Variants in PAPOLA observed in about 807,000 individuals in gnomAD.
PAPOLA encodes the protein polynucleotide adenylyltransferase alpha.
In PAPOLA, 15 loss-of-function variants were observed where a neutral mutation model predicts 100.6. The observed-to-expected ratio is 0.15, with a 90% CI of 0.10 to 0.23. The LOEUF (loss-of-function observed/expected upper bound fraction) is 0.23, where lower values mean the gene tolerates loss of function less well. PAPOLA is among the 10% of genes least tolerant of loss of function. The pLI, the probability that PAPOLA is intolerant of heterozygous loss-of-function variation, is 1.00. For missense variants in PAPOLA, 533 were observed against 884.2 expected (o/e 0.60, Z 5.04); for synonymous variants, 293 against 300.0 (o/e 0.98, Z 0.24).
At chr14:96,549,483 C>T (rs369961628) in intron 16 of PAPOLA, among the ~76,000 whole-genome samples, 59 of 152,120 alleles carry the variant, frequency 3.9e-4, no homozygotes, top group East Asian at 2.9e-3. Flanking sequence ...CTCCTGGCCT[C>T]GTGATCCGCC....
At chr14:96,533,400 T>C (rs907994232) in intron 9 of PAPOLA, 1 of 982,450 alleles carries the variant, frequency 1.0e-6, no homozygotes. Flanking sequence ...AATTAGTTAT[T>C]TGAGACAATT....
rs376979531 is a variant in PAPOLA at position 96,556,274 on chromosome 14, T to G, written c.1865T>G (p.Val622Gly). The change falls in exon 19 of 22, where the codon GTA becomes GGA. Residue 622 changes from valine to glycine, a missense_variant. Coordinates refer to ENST00000216277, the MANE Select transcript of PAPOLA (RefSeq NM_032632.5). ...VSRVVSSTRL[V>G]NPPPRSSGNA... is the part of the protein sequence containing the mutation. ...AGAGTTGTTTCTTCAACACGTCTGG[T>G]AAACCCACCACCTAGATCTTCAGGA... 1.3e-5 allele frequency: 21 copies of G among 1,613,852 alleles called. No individual in the cohort carries two copies. The highest frequency in any genetic ancestry group is 1.8e-5 in the Non-Finnish European group (21 of 1,179,980).
chr14:96,560,458 A>ATT (rs1294524637), intron 19 of PAPOLA, 191 bp from the exon 20 acceptor site: 39 of 484,276 alleles, frequency 8.1e-5, no homozygotes, highest in Non-Finnish European at 3.6e-6. Context: ...TTTTAATTTT[A>ATT]TTAGCTACTG....
At chr14:96,503,501 C>T (rs1342478395) in intron 1 of PAPOLA, among the ~76,000 whole-genome samples, 4 of 151,852 alleles carry the variant, frequency 2.6e-5, no homozygotes, top group Non-Finnish European at 2.9e-5. Context: ...CAGCTCATTG[C>T]CAGTAGATTA....
chr14:96,530,561 A>AT (rs1363899839), intron 6 of PAPOLA, among the ~76,000 whole-genome samples: 6 of 150,684 alleles, frequency 4.0e-5, no homozygotes, highest in East Asian at 2.0e-4. Context: ...CTAATTTTTA[A>AT]TTTTTTTTGT....
chr14:96,533,255 A>G, intron 9 of PAPOLA: 1 of 984,444 alleles, frequency 1.0e-6, no homozygotes, highest in Non-Finnish European at 1.2e-6. Context: ...CTGCCATTTT[A>G]TATTAATTGC....
At chr14:96,536,586 TTAGTC>T (rs895218475) in intron 11 of PAPOLA, among the ~76,000 whole-genome samples, 5 of 152,076 alleles carry the variant, frequency 3.3e-5, no homozygotes, top group African/African-American at 9.7e-5. Flanking sequence ...AGTTTCATCT[TTAGTC>T]TAAAGAGGCC....
chr14:96,503,115 A>C (rs1373324318), intron 1 of PAPOLA, among the ~76,000 whole-genome samples: 1 of 152,078 alleles, frequency 6.6e-6, no homozygotes, highest in South Asian at 2.1e-4. Flanking sequence ...TGTGCGCCGG[A>C]GTTAGCCCCT....
chr14:96,514,905 A>T (rs1168973565), intron 1 of PAPOLA, among the ~76,000 whole-genome samples: 3 of 152,208 alleles, frequency 2.0e-5, no homozygotes, highest in Non-Finnish European at 4.4e-5. Flanking sequence ...GCAGAAGTGA[A>T]ATCAGGCCTG....
intron 7 of PAPOLA, 192 bp downstream of exon 7, chr14:96,531,778 C>T: frequency 6.9e-7 from 1 of 1,442,482 alleles, no homozygotes; most frequent in Non-Finnish European, 9.0e-7. Context: ...ATTTTATACA[C>T]TGTATTTCTT....
At chr14:96,517,698 CTT>C (rs774296764) in intron 1 of PAPOLA, among the ~76,000 whole-genome samples, 17 of 121,830 alleles carry the variant, frequency 1.4e-4, no homozygotes, top group Non-Finnish European at 1.8e-4. Flanking sequence ...TCAGCAAATG[CTT>C]TTTTTTTTTT....
intron 21 of PAPOLA, among the ~76,000 whole-genome samples, chr14:96,564,059 GA>G (rs1383631813): frequency 6.6e-6 from 1 of 151,922 alleles, no homozygotes; most frequent in Non-Finnish European, 1.5e-5. Context: ...AGTTATGTAA[GA>G]AGAATGATTA....
chr14:96,522,074 A>T (rs1236856791), intron 3 of PAPOLA, among the ~76,000 whole-genome samples: 1 of 138,174 alleles, frequency 7.2e-6, no homozygotes, highest in African/African-American at 2.7e-5. Context: ...AGTGCTTGGG[A>T]TTATAGGCAT....
chr14:96,535,949 A>T lies in PAPOLA; in HGVS notation c.980A>T (p.Tyr327Phe). ...GCATACCCACAACAGAACTCCACGT[A>T]CAATGTGTCCGTTTCAACACGGATG... ...TPAYPQQNST[Y>F]NVSVSTRMVM... The change falls in exon 11 of 22, where the codon TAC becomes TTC. Residue 327 changes from tyrosine (Y) to phenylalanine (F), a missense_variant. This residue lies in a region of PAPOLA where 87 missense variants were observed against 173.3 expected (regional missense o/e 0.50). Coordinates refer to ENST00000216277, the MANE Select transcript of PAPOLA (RefSeq NM_032632.5). The T allele has an allele frequency of 6.2e-7, 1 of 1,608,584 alleles. No homozygotes were observed. Among genetic ancestry groups the T allele is most frequent in the Non-Finnish European group, 8.5e-7 (1 of 1,177,064 alleles).
Position 96,565,775 on chromosome 14 carries a change from T to C in PAPOLA, c.*725T>C. 1 of 398,292 alleles carries C rather than the reference T, an allele frequency of 2.5e-6. No homozygotes were observed. The highest frequency in any genetic ancestry group is 4.4e-6 in the Non-Finnish European group (1 of 225,770). 24.7% of individuals were successfully genotyped at this position (398,292 alleles called of 1,614,324 possible). On this transcript the variant is annotated 3_prime_UTR_variant, in exon 22 of 22. Coordinates refer to ENST00000216277, the MANE Select transcript of PAPOLA (RefSeq NM_032632.5). ...GCGATCAGCCAGCAAATATTTTTCT[T>C]TGAGCTTGTGAAAGCTCTGTGTTCT...
rs538144961 is a variant in PAPOLA at position 96,531,677 on chromosome 14, C to A, written c.607+91C>A. ...AGTTTTGTATTGAAGCTTTTTATAGCTATATTGTTAACACAGTAGTGAGTT... is the reference window on the plus strand; with the variant it reads ...AGTTTTGTATTGAAGCTTTTTATAGATATATTGTTAACACAGTAGTGAGTT... On this transcript the variant is annotated intron_variant, in intron 7 of 21. Coordinates refer to ENST00000216277, the MANE Select transcript of PAPOLA (RefSeq NM_032632.5). The A allele has an allele frequency of 4.9e-5, 76 of 1,535,646 alleles. No individual in the cohort carries two copies. The African/African-American group carries it at 9.1e-4, about 18-fold the overall frequency.
At chr14:96,524,246 C>G (rs889473026) in intron 3 of PAPOLA, among the ~76,000 whole-genome samples, 3 of 152,050 alleles carry the variant, frequency 2.0e-5, no homozygotes, top group Non-Finnish European at 2.9e-5. Flanking sequence ...GTCATTCTTA[C>G]GAGCAGGGCC....
chr14:96,529,645 C>T (rs1241274019), intron 6 of PAPOLA, among the ~76,000 whole-genome samples: 1 of 151,936 alleles, frequency 6.6e-6, no homozygotes, highest in Non-Finnish European at 1.5e-5. Flanking sequence ...TCACTTGAAC[C>T]CGGGAAGTGG....
intron 16 of PAPOLA, among the ~76,000 whole-genome samples, chr14:96,550,305 G>T (rs900751712): frequency 6.6e-6 from 1 of 151,974 alleles, no homozygotes; most frequent in Non-Finnish European, 1.5e-5. Flanking sequence ...CAGATAATTA[G>T]ATTTCTCAGA....
Sources: allele counts gnomAD v4.1 joint callset (sites outside exome capture counted in the v4.1 genomes callset), GRCh38; gene constraint gnomAD v4.1.1; regional missense constraint gnomAD v4.1.1; transcripts MANE v1.5; gene names NCBI Gene and HGNC (gene_info 2026-07-23, HGNC 2026-07-21).